Variants in RBM17 observed in about 807,000 individuals in gnomAD.
The protein encoded by RBM17 is RNA binding motif protein 17.
RBM17 carries 7 observed loss-of-function variants against 53.2 expected under a neutral mutation model. That is an observed-to-expected ratio of 0.13 (90% CI 0.07 to 0.25). The LOEUF (loss-of-function observed/expected upper bound fraction) is 0.25, where lower values mean the gene tolerates loss of function less well. RBM17 is among the 10% of genes least tolerant of loss of function. The pLI, the probability that RBM17 is intolerant of heterozygous loss-of-function variation, is 1.00. For missense variants in RBM17, 257 were observed against 496.7 expected (o/e 0.52, Z 4.59); for synonymous variants, 167 against 178.1 (o/e 0.94, Z 0.50).
intron 6 of RBM17, among the ~76,000 whole-genome samples, chr10:6,109,552 C>G (rs965923918): frequency 6.6e-6 from 1 of 152,210 alleles, no homozygotes; most frequent in Non-Finnish European, 1.5e-5. Context: ...TGCGTAGCCC[C>G]TAACCTCGGA....
At position 6,097,199 on chromosome 10, in the gene RBM17, G is replaced by A. The variant is rs774963815; in HGVS notation, c.123+11G>A. On this transcript the variant is annotated intron_variant, in intron 2 of 11. Transcript: ENST00000379888. ...CTCACTCAGGCAAAGGTAAAGACAA[G>A]CCCAGAGCATGAGAGCAGAGGCCTC... The A allele has an allele frequency of 3.7e-6, 6 of 1,613,192 alleles. No homozygotes were observed. The highest frequency in any genetic ancestry group is 4.2e-6 in the Non-Finnish European group (5 of 1,179,416).
chr10:6,104,858 C>CTT, intron 3 of RBM17, 73 bp from the exon 4 acceptor site: 5 of 1,331,876 alleles, frequency 3.8e-6, no homozygotes, highest in Non-Finnish European at 5.3e-6. Flanking sequence ...CTCCCATACG[C>CTT]TTTGACCTGA....
At chr10:6,106,287 C>T in intron 5 of RBM17, 49 bp downstream of exon 5, 1 of 1,201,462 alleles carries the variant, frequency 8.3e-7, no homozygotes, top group Non-Finnish European at 1.2e-6. Flanking sequence ...ACTGGAAGTG[C>T]AATTCCACTA....
At chr10:6,104,875 T>C (rs1840724029) in intron 3 of RBM17, 56 bp from the exon 4 acceptor site, 2 of 1,477,558 alleles carry the variant, frequency 1.4e-6, no homozygotes, top group Admixed American at 1.8e-5. Flanking sequence ...CTGAATCCTG[T>C]GAGTAAACTG....
chr10:6,096,111 C>A (rs1203691615), intron 1 of RBM17, among the ~76,000 whole-genome samples: 1 of 152,074 alleles, frequency 6.6e-6, no homozygotes, highest in East Asian at 1.9e-4. Flanking sequence ...AAATTAAGTT[C>A]TCTTTCTGTC....
chr10:6,101,222 A>C, intron 2 of RBM17, 49 bp from the exon 3 acceptor site: 1 of 1,249,210 alleles, frequency 8.0e-7, no homozygotes, highest in Non-Finnish European at 1.1e-6. Context: ...AACAGTGTGA[A>C]TTTTAATTTG....
At chr10:6,098,251 T>C (rs149164397) in intron 2 of RBM17, among the ~76,000 whole-genome samples, 1 of 152,282 alleles carries the variant, frequency 6.6e-6, no homozygotes, top group East Asian at 1.9e-4. Context: ...GCTCGTGTTG[T>C]GCACAGTGTA....
In RBM17 at chr10:6,112,169, G is replaced by A. The variant is rs779944786; in HGVS notation, c.705-41G>A. On this transcript the variant is annotated intron_variant, in intron 7 of 11. Transcript: ENST00000379888. This position sits in a 1 kb window ranked among gnomAD's most constrained non-coding sequence, Gnocchi z 4.4. ...AAAATGCAACCTATCTCCAGTTGACGATGTCAAGGCTAAGAGTCCTTTCCC... is the reference window on the plus strand; with the variant it reads ...AAAATGCAACCTATCTCCAGTTGACAATGTCAAGGCTAAGAGTCCTTTCCC... The A allele has an allele frequency of 6.3e-6, 10 of 1,596,764 alleles. No homozygotes were observed. The highest frequency in any genetic ancestry group is 5.4e-5 in the African/African-American group (4 of 74,740).
chr10:6,105,944 T>C (rs1000412550), intron 4 of RBM17, among the ~76,000 whole-genome samples, 197 bp from the exon 5 acceptor site: 2 of 152,218 alleles, frequency 1.3e-5, no homozygotes, highest in South Asian at 4.1e-4. Context: ...AATTTATCTC[T>C]TGAATTTTTC....
In RBM17 at chr10:6,110,856, C is replaced by G. The variant is rs1218978398; in HGVS notation, c.704+729C>G. Among the ~76,000 whole-genome samples the G allele has an allele frequency of 2.6e-5, 4 of 152,298 alleles. No individual in the cohort carries two copies. In the South Asian group the frequency reaches 6.2e-4, roughly 24 times the overall value. On this transcript the variant is annotated intron_variant, in intron 7 of 11. Coordinates refer to ENST00000379888, the MANE Select transcript of RBM17 (RefSeq NM_032905.5). ...CTTTCAAGTGCTCAGTGACCACATG[C>G]AAGTGGTGACGATGTTGGATGGTGC...
chr10:6,112,153 C>A lies in RBM17; in HGVS notation c.705-57C>A. Reference sequence around the variant, plus strand: ...AGGTTGTTGTGATGGAAAAATGCAACCTATCTCCAGTTGACGATGTCAAGG... The same window carrying A: ...AGGTTGTTGTGATGGAAAAATGCAAACTATCTCCAGTTGACGATGTCAAGG... On this transcript the variant is annotated intron_variant, in intron 7 of 11. Coordinates refer to ENST00000379888, the MANE Select transcript of RBM17 (RefSeq NM_032905.5). This position sits in a 1 kb window ranked among gnomAD's most constrained non-coding sequence, Gnocchi z 4.4. The A allele has an allele frequency of 1.3e-6, 2 of 1,576,680 alleles. No individual in the cohort carries two copies. The highest frequency in any genetic ancestry group is 2.2e-5 in the East Asian group (1 of 44,694).
chr10:6,106,007 C>T, intron 4 of RBM17, 134 bp from the exon 5 acceptor site: 1 of 592,898 alleles, frequency 1.7e-6, no homozygotes, highest in Non-Finnish European at 3.1e-6. Context: ...TGCTTCCTAC[C>T]CCCTCTACCC....
intron 2 of RBM17, among the ~76,000 whole-genome samples, chr10:6,100,016 C>T (rs1024549160): frequency 3.3e-5 from 5 of 152,064 alleles, no homozygotes; most frequent in African/African-American, 1.2e-4. Context: ...CGAGATCGAA[C>T]TCCAGCCTGG....
At chr10:6,110,265 A>G (rs560829249) in intron 7 of RBM17, 138 bp downstream of exon 7, 143 of 590,746 alleles carry the variant, frequency 2.4e-4, no homozygotes, top group Non-Finnish European at 3.3e-4. Context: ...ACCTGCCTCA[A>G]TCGTGTGGAG....
Position 6,112,486 on chromosome 10 carries a change from C to T in RBM17, c.856+125C>T. On this transcript the variant is annotated intron_variant, in intron 8 of 11. Coordinates refer to ENST00000379888, the MANE Select transcript of RBM17 (RefSeq NM_032905.5). This position sits in a 1 kb window ranked among gnomAD's most constrained non-coding sequence, Gnocchi z 4.4. ...GAGGCGTGTGGCCAGAGGGAGAGGG[C>T]TGGCCCTGCCATCACTAGAACACAG... is the stretch of plus-strand genomic sequence containing the variant. 8.6e-7 allele frequency: 1 copy of T among 1,165,798 alleles called. No individual in the cohort carries two copies. The highest frequency in any genetic ancestry group is 1.3e-6 in the Non-Finnish European group (1 of 798,292). The allele number at this position is 1,165,798 out of a possible 1,614,324, so 72.2% of individuals were successfully genotyped here. A position where few individuals can be genotyped will look rare whatever the true frequency, so the allele number is the denominator to read the frequency against.
At position 6,089,547 on chromosome 10, in the gene RBM17, C is replaced by T. The variant is rs916546356; in HGVS notation, c.-19+354C>T. ...GCATCCTGACGAAATTGTCTGGTCA[C>T]CAGAACCGAGTAGCCCGTAGCGTGT... On this transcript the variant is annotated intron_variant, in intron 1 of 11. Coordinates refer to ENST00000379888, the MANE Select transcript of RBM17 (RefSeq NM_032905.5). The surrounding 1 kb of genome is among the most constrained non-coding windows in gnomAD (Gnocchi z 5.6). 1.3e-5 allele frequency: 2 copies of T among 152,902 alleles called. No individual in the cohort carries two copies. Among genetic ancestry groups the T allele is most frequent in the East Asian group, 1.9e-4 (1 of 5,354 alleles). 9.5% of individuals were successfully genotyped at this position (152,902 alleles called of 1,614,324 possible).
chr10:6,108,376 A>G (rs927899687), intron 5 of RBM17: 2 of 386,740 alleles, frequency 5.2e-6, no homozygotes, highest in Non-Finnish European at 9.2e-6. Flanking sequence ...CTCTCTTTTT[A>G]AGTAACTGCT....
intron 2 of RBM17, among the ~76,000 whole-genome samples, chr10:6,099,497 G>T (rs917428795): frequency 1.3e-5 from 2 of 152,034 alleles, no homozygotes; most frequent in African/African-American, 4.8e-5. Flanking sequence ...AAATCCAAGC[G>T]TGCCCAAGTC....
rs777480296 is a variant in RBM17, at chr10:6,110,307, A to G, written c.704+180A>G. ...CCAGTGTAATGATGGGGCTTGTTCA[A>G]AACAGCAACCTCCCAGTAGAAGTTT... On this transcript the variant is annotated intron_variant, in intron 7 of 11. Transcript: ENST00000379888. Among the ~76,000 whole-genome samples, 50 of 152,210 alleles carry G rather than the reference A, an allele frequency of 3.3e-4. 1 individual carries two copies. The highest frequency in any genetic ancestry group is 1.2e-3 in the Admixed American group (18 of 15,276).
Sources: gnomAD v4.1 joint callset for allele counts (sites outside exome capture counted in the v4.1 genomes callset) on GRCh38, gnomAD v4.1.1 for gene constraint, Gnocchi (gnomAD v3.1) non-coding constraint, MANE v1.5 for transcripts, NCBI Gene and HGNC (gene_info 2026-07-23, HGNC 2026-07-21) for gene names.